ZSCAN4: variants seen among roughly 807,000 people sequenced by gnomAD.
The protein encoded by ZSCAN4 is zinc finger and SCAN domain-containing protein 4.
Under a neutral mutation model 18.3 loss-of-function variants are expected in ZSCAN4, and 18 were observed. The observed-to-expected ratio is 0.98, with a 90% CI of 0.68 to 1.46. ZSCAN4 has a LOEUF of 1.46. ZSCAN4 is among the 40% of genes most tolerant of loss of function. ZSCAN4 has a pLI of 0.00. For synonymous variants in ZSCAN4, 193 were observed against 180.3 expected (o/e 1.07, Z -0.57); for missense variants, 498 against 511.4 (o/e 0.97, Z 0.25).
chr19:57,677,171 A>G (rs1207670102), intron 3 of ZSCAN4, among the ~76,000 whole-genome samples: 1 of 152,242 alleles, frequency 6.6e-6, no homozygotes, highest in African/African-American at 2.4e-5. Context: ...GACATTCTAA[A>G]GAAGCAATTA....
chr19:57,667,822 C>A (rs1983896092), upstream of ZSCAN4, among the ~76,000 whole-genome samples: 1 of 152,206 alleles, frequency 6.6e-6, no homozygotes, highest in Non-Finnish European at 1.5e-5. Context: ...TTTCAACCCA[C>A]CACAAATTAA....
intron 2 of ZSCAN4, among the ~76,000 whole-genome samples, chr19:57,674,956 G>GT (rs11303340): frequency 0.4 from 51,625 of 128,450 alleles, 12,629 homozygotes; most frequent in African/African-American, 0.7. Context: ...TTCACATCAA[G>GT]TTTTTTTTTT....
chr19:57,673,955 T>C (rs752690797), intron 2 of ZSCAN4, among the ~76,000 whole-genome samples: 5 of 152,194 alleles, frequency 3.3e-5, no homozygotes, highest in Non-Finnish European at 7.3e-5. Flanking sequence ...GGTTTCGCCA[T>C]GTTGGCAAGG....
At chr19:57,659,595 G>C in the ZSCAN4 span, among the ~76,000 whole-genome samples, 1 of 152,130 alleles carries the variant, frequency 6.6e-6, no homozygotes, top group Non-Finnish European at 1.5e-5. Flanking sequence ...GAAGAAATAT[G>C]ACATACCAAT....
Position 57,678,393 on chromosome 19 carries a change from C to T in ZSCAN4, c.790C>T (p.Gln264Ter). 6.2e-7 allele frequency: 1 copy of T among 1,614,074 alleles called. No individual in the cohort carries two copies. The highest frequency in any genetic ancestry group is 8.5e-7 in the Non-Finnish European group (1 of 1,180,008). Residue 264 changes from glutamine (Q) to a stop codon, truncating the protein, a stop_gained, in exon 5 of 5, where the codon CAA (glutamine) becomes TAA (stop). Coordinates refer to ENST00000318203, the Ensembl canonical transcript of ZSCAN4. LOFTEE classifies it low-confidence loss of function (END_TRUNC). Reference sequence around the variant, plus strand: ...AGGGTCCATAAATGGAATCACTTTCCAAGGTGTCCCTATGGTGATGGGAGC... The same window carrying T: ...AGGGTCCATAAATGGAATCACTTTCTAAGGTGTCCCTATGGTGATGGGAGC...
At chr19:57,653,000 C>T in the ZSCAN4 span, among the ~76,000 whole-genome samples, 1 of 152,148 alleles carries the variant, frequency 6.6e-6, no homozygotes, top group African/African-American at 2.4e-5. Flanking sequence ...AGATGCAGCT[C>T]ATAACCCAGT....
At chr19:57,659,438 G>A in the ZSCAN4 span, among the ~76,000 whole-genome samples, 1 of 152,162 alleles carries the variant, frequency 6.6e-6, no homozygotes, top group African/African-American at 2.4e-5. Flanking sequence ...CCAGGCTGGA[G>A]TTCAGTGGCA....
At chr19:57,669,376 T>G (rs1983948382) in intron 1 of ZSCAN4, among the ~76,000 whole-genome samples, 173 bp downstream of exon 1, 1 of 151,904 alleles carries the variant, frequency 6.6e-6, no homozygotes, top group Non-Finnish European at 1.5e-5. Flanking sequence ...ATATTTTCAT[T>G]TAATGTGGAC....
intron 2 of ZSCAN4, among the ~76,000 whole-genome samples, chr19:57,675,637 T>C (rs898309346): frequency 3.9e-5 from 6 of 152,240 alleles, no homozygotes; most frequent in African/African-American, 1.4e-4. Context: ...GAATAAACAT[T>C]GGCATTTAAA....
the ZSCAN4 span, among the ~76,000 whole-genome samples, chr19:57,652,100 C>T: frequency 9.4e-4 from 143 of 152,216 alleles, 1 homozygote; most frequent in Admixed American, 2.2e-3. Flanking sequence ...TCAGGATACT[C>T]ACCACCCCAC....
At chr19:57,671,897 T>C (rs1984034428) in intron 2 of ZSCAN4, among the ~76,000 whole-genome samples, 1 of 152,260 alleles carries the variant, frequency 6.6e-6, no homozygotes, top group South Asian at 2.1e-4. Flanking sequence ...AGTTAGGTTT[T>C]TGTGTGTCCA....
rs1983982300 is a variant in ZSCAN4 at position 57,670,378 on chromosome 19, C to A, written c.-295C>A. On this transcript the variant is annotated 5_prime_UTR_variant, in exon 2 of 5. The change creates a new upstream start codon in the 5' untranslated region. Coordinates refer to ENST00000318203, the Ensembl canonical transcript of ZSCAN4. ...ATCAATCACTGACATGGAGCTGGGG[C>A]TGGATGAAGATTCCATCAGTAATTC... The A allele has an allele frequency of 6.6e-6, 1 of 150,724 alleles. No individual in the cohort carries two copies. Among genetic ancestry groups the A allele is most frequent in the South Asian group, 2.1e-4 (1 of 4,804 alleles). 9.3% of individuals were successfully genotyped at this position (150,724 alleles called of 1,614,324 possible). A position where few individuals can be genotyped will look rare whatever the true frequency, so the allele number is the denominator to read the frequency against.
upstream of ZSCAN4, among the ~76,000 whole-genome samples, chr19:57,667,962 T>G (rs541984652): frequency 2.2e-4 from 34 of 152,178 alleles, no homozygotes; most frequent in African/African-American, 8.2e-4. Flanking sequence ...AGAGCAGTGG[T>G]GCGATCTTGG....
chr19:57,661,325 T>A, the ZSCAN4 span, among the ~76,000 whole-genome samples: 1 of 152,184 alleles, frequency 6.6e-6, no homozygotes, highest in Non-Finnish European at 1.5e-5. Flanking sequence ...TTAATTTACA[T>A]AAATTTTGCA....
intron 2 of ZSCAN4, among the ~76,000 whole-genome samples, chr19:57,673,829 C>A (rs950743166): frequency 6.6e-6 from 1 of 152,312 alleles, no homozygotes; most frequent in East Asian, 1.9e-4. Flanking sequence ...TCTCAACTCA[C>A]TGCAACCTCT....
chr19:57,678,258 C>G lies in ZSCAN4; in HGVS notation c.655C>G (p.Leu219Val), dbSNP rs367864953. The G allele has an allele frequency of 3.1e-6, 5 of 1,614,020 alleles. No homozygotes were observed. The African/African-American group carries it at 5.3e-5, about 17-fold the overall frequency. Residue 219 changes from leucine to valine, a missense_variant, in exon 5 of 5, where the codon CTA becomes GTA. Leu to Val is a conservative substitution (Grantham distance 32). Coordinates refer to ENST00000318203, the Ensembl canonical transcript of ZSCAN4. The stretch of plus-strand genomic sequence containing the variant: ...TAATCAAGGCAATCAAATAGTTTCC[C>G]TAATCATCATCCAGGAAGAGAACGG...
At chr19:57,675,456 A>G (rs1257739999) in intron 2 of ZSCAN4, among the ~76,000 whole-genome samples, 1 of 151,928 alleles carries the variant, frequency 6.6e-6, no homozygotes, top group African/African-American at 2.4e-5. Flanking sequence ...CAAGTTTTGT[A>G]TTTTTAGTAG....
chr19:57,673,576 G>A (rs1984087188), intron 2 of ZSCAN4, among the ~76,000 whole-genome samples: 1 of 152,104 alleles, frequency 6.6e-6, no homozygotes, highest in South Asian at 2.1e-4. Context: ...AGGCTGCAGT[G>A]AGCTGTCATG....
chr19:57,665,139 T>C (rs1290664181), upstream of ZSCAN4: 1 of 152,760 alleles, frequency 6.5e-6, no homozygotes, highest in African/African-American at 2.4e-5. Context: ...GCTGGAAGCA[T>C]AGGGGTCTTT....
Sources: gnomAD v4.1 joint callset for allele counts (sites outside exome capture counted in the v4.1 genomes callset) on GRCh38, gnomAD v4.1.1 for gene constraint, MANE v1.5 for transcripts, NCBI Gene and HGNC (gene_info 2026-07-23, HGNC 2026-07-21) for gene names.